PATJ: variants seen among roughly 807,000 people sequenced by gnomAD.
The protein encoded by PATJ is inaD-like protein.
PATJ carries 190 observed loss-of-function variants against 224.9 expected under a neutral mutation model. The observed-to-expected ratio is 0.84, with a 90% CI of 0.75 to 0.95. The LOEUF is 0.95. Among genes scored for constraint, PATJ ranks in the 40% least tolerant of loss-of-function variants. The pLI is 0.00. For missense variants in PATJ, 2,121 were observed against 2,270.3 expected (o/e 0.93, Z 1.34); for synonymous variants, 769 against 820.3 (o/e 0.94, Z 1.07).
At chr1:62,095,267 A>T (rs1363674343) in intron 33 of PATJ, among the ~76,000 whole-genome samples, 1 of 152,208 alleles carries the variant, frequency 6.6e-6, no homozygotes, top group Non-Finnish European at 1.5e-5. Context: ...GATTGACTAC[A>T]TTCTGCCTCA....
intron 27 of PATJ, among the ~76,000 whole-genome samples, chr1:61,940,141 T>G (rs1488085073): frequency 6.6e-6 from 1 of 152,176 alleles, no homozygotes; most frequent in Admixed American, 6.5e-5. Flanking sequence ...TAATACATCA[T>G]TTACTTTGAC....
Position 62,012,787 on chromosome 1 carries a change from A to AT in PATJ, c.3868-5059dup, listed in dbSNP as rs538625930. On this transcript the variant is annotated intron_variant, in intron 28 of 43. Coordinates refer to ENST00000642238, the MANE Select transcript of PATJ (RefSeq NM_001350145.3). ...AAAAGCGAATGGCTGCAAATGTGTT[A>AT]TTTTTTTTTTCCCTAGCCCTAACCC... is the stretch of plus-strand genomic sequence containing the variant. Among the ~76,000 whole-genome samples, 161 of 150,166 alleles carry AT rather than the reference A, an allele frequency of 1.1e-3. 2 individuals carry two copies. The South Asian group carries it at 0.027, about 25-fold the overall frequency.
At chr1:61,995,471 T>A (rs1321646709) in intron 28 of PATJ, among the ~76,000 whole-genome samples, 3 of 152,216 alleles carry the variant, frequency 2.0e-5, no homozygotes, top group Non-Finnish European at 4.4e-5. Flanking sequence ...GCATACATTG[T>A]GGCTTCTTTG....
At chr1:62,106,154 G>GTA (rs1357638316) in intron 33 of PATJ, among the ~76,000 whole-genome samples, 4 of 48,464 alleles carry the variant, frequency 8.3e-5, no homozygotes, top group Non-Finnish European at 1.3e-4. Flanking sequence ...ATGTGTGTGT[G>GTA]TGTGTATATA....
intron 27 of PATJ, among the ~76,000 whole-genome samples, chr1:61,949,252 C>T (rs1679259696): frequency 6.6e-6 from 1 of 151,466 alleles, no homozygotes; most frequent in African/African-American, 2.4e-5. Context: ...TGCTGCAAAA[C>T]ATTACATACT....
intron 20 of PATJ, among the ~76,000 whole-genome samples, chr1:61,867,494 G>T (rs1408974289): frequency 6.6e-6 from 1 of 151,784 alleles, no homozygotes; most frequent in Non-Finnish European, 1.5e-5. Context: ...CACTTTTAAG[G>T]CTGTAGATGA....
chr1:61,763,302 G>C, intron 3 of PATJ, 123 bp downstream of exon 3: 1 of 500,308 alleles, frequency 2.0e-6, no homozygotes, highest in Non-Finnish European at 3.4e-6. Flanking sequence ...CAAAGAGACT[G>C]TATTGGGACC....
At chr1:62,036,502 C>T (rs980881016) in intron 29 of PATJ, among the ~76,000 whole-genome samples, 2 of 151,932 alleles carry the variant, frequency 1.3e-5, no homozygotes, top group African/African-American at 4.8e-5. Flanking sequence ...ATTTGAGATG[C>T]GTGTAAGACA....
intron 33 of PATJ, chr1:62,100,285 A>G: frequency 1.4e-6 from 1 of 701,104 alleles, no homozygotes; most frequent in East Asian, 2.7e-5. Context: ...AGACTGGGTA[A>G]TTTATTAAAA....
In PATJ at chr1:62,086,230, G is replaced by GTGTGTGTGTGTGTA. The variant is rs1356411061; in HGVS notation, c.4377+1596_4377+1609dup. Among the ~76,000 whole-genome samples, 2 of 108,078 alleles carry GTGTGTGTGTGTGTA rather than the reference G, an allele frequency of 1.9e-5. No homozygotes were observed. The highest frequency in any genetic ancestry group is 6.1e-5 in the African/African-American group (2 of 32,910). The allele number at this position is 108,078 out of a possible 152,430, so 70.9% of individuals were successfully genotyped here. ...CTCAAGATGTGATTAATTAATGCATGTGTGTGTGTGTGTATGTGTGTGTGT... is the reference window on the plus strand; with the variant it reads ...CTCAAGATGTGATTAATTAATGCATGTGTGTGTGTGTGTATGTGTGTGTGTGTATGTGTGTGTGT... On this transcript the variant is annotated intron_variant, in intron 33 of 43. Coordinates refer to ENST00000642238, the MANE Select transcript of PATJ (RefSeq NM_001350145.3). This position sits in a 1 kb window ranked among gnomAD's most constrained non-coding sequence, Gnocchi z 4.0.
intron 1 of PATJ, among the ~76,000 whole-genome samples, chr1:61,748,804 G>A (rs749264922): frequency 2.0e-5 from 3 of 152,056 alleles, no homozygotes; most frequent in African/African-American, 7.2e-5. Flanking sequence ...GCACCGGCAC[G>A]CACCACCACG....
chr1:62,064,661 A>G (rs553609406), intron 31 of PATJ, among the ~76,000 whole-genome samples: 27 of 152,322 alleles, frequency 1.8e-4, no homozygotes, highest in Non-Finnish European at 3.4e-4. Context: ...GTATCCAAGT[A>G]TGAAAAAACA....
At chr1:62,039,218 G>A (rs953683559) in intron 30 of PATJ, 6 of 417,860 alleles carry the variant, frequency 1.4e-5, no homozygotes, top group African/African-American at 1.2e-4. Flanking sequence ...TTCATTTAAT[G>A]TGCAGTGGGC....
chr1:61,828,944 C>T (rs1658815966), intron 16 of PATJ, among the ~76,000 whole-genome samples: 2 of 152,166 alleles, frequency 1.3e-5, no homozygotes, highest in Admixed American at 6.5e-5. Flanking sequence ...TGATACTTAT[C>T]ATACTTACCC....
chr1:61,924,780 CAG>C (rs1299266694), intron 26 of PATJ, among the ~76,000 whole-genome samples: 1 of 152,120 alleles, frequency 6.6e-6, no homozygotes, highest in Non-Finnish European at 1.5e-5. Context: ...TTCTCCAGTG[CAG>C]ATACACAATG....
chr1:61,921,025 G>C (rs1674250236), intron 26 of PATJ, among the ~76,000 whole-genome samples: 1 of 151,970 alleles, frequency 6.6e-6, no homozygotes, highest in Non-Finnish European at 1.5e-5. Context: ...GAATTCTTAA[G>C]GTGCACCTTT....
chr1:61,812,586 C>T (rs1655100753), intron 14 of PATJ, among the ~76,000 whole-genome samples: 1 of 151,902 alleles, frequency 6.6e-6, no homozygotes, highest in East Asian at 1.9e-4. Context: ...CAGTGGCTCA[C>T]ACCTGTAATC....
In PATJ at chr1:61,781,862, A is replaced by G. The variant is rs188352081; in HGVS notation, c.850-5892A>G. On this transcript the variant is annotated intron_variant, in intron 7 of 43. Transcript: ENST00000642238. ...GTGCATGAGGTGGAGACTGGAGGAA[A>G]CCAGGCACAAGCTTCCACGAGTCCG... Among the ~76,000 whole-genome samples the G allele has an allele frequency of 4.6e-5, 7 of 152,336 alleles. No homozygotes were observed. In the East Asian group the frequency reaches 1.3e-3, roughly 29 times the overall value.
intron 33 of PATJ, among the ~76,000 whole-genome samples, chr1:62,106,077 T>TACACACAC (rs1230033683): frequency 1.2e-3 from 20 of 16,486 alleles, no homozygotes; most frequent in East Asian, 0.011. Flanking sequence ...TATATATATA[T>TACACACAC]ATACACACAC....
Sources: gnomAD v4.1 joint callset for allele counts (sites outside exome capture counted in the v4.1 genomes callset) on GRCh38, gnomAD v4.1.1 for gene constraint, Gnocchi (gnomAD v3.1) non-coding constraint, MANE v1.5 for transcripts, NCBI Gene and HGNC (gene_info 2026-07-23, HGNC 2026-07-21) for gene names.